DNAAF9: variants seen among roughly 807,000 people sequenced by gnomAD.
The protein encoded by DNAAF9 is dynein axonemal assembly factor 9.
Under a neutral mutation model 167.0 loss-of-function variants are expected in DNAAF9, and 90 were observed. The observed-to-expected ratio is 0.54, with a 90% CI of 0.45 to 0.64. The LOEUF (loss-of-function observed/expected upper bound fraction) is 0.64, where lower values mean the gene tolerates loss of function less well. Ranked by LOEUF, DNAAF9 falls within the 30% of genes least tolerant of loss-of-function variation. The pLI is 0.00. For missense variants in DNAAF9, 1,315 were observed against 1,442.2 expected, an observed-to-expected ratio of 0.91 and a Z score of 1.43; for synonymous variants, 491 against 508.8, an observed-to-expected ratio of 0.96 and a Z score of 0.47.
At chr20:3,296,051 C>A in intron 23 of DNAAF9, 18 of 864,950 alleles carry the variant, frequency 2.1e-5, no homozygotes, top group South Asian at 2.0e-4. Flanking sequence ...CTGGTAGTAA[C>A]CCTCATCTGG....
intron 7 of DNAAF9, among the ~76,000 whole-genome samples, chr20:3,350,152 CACAG>C (rs56044233): frequency 0.16 from 17,134 of 109,586 alleles, 1,044 homozygotes; most frequent in African/African-American, 0.18. Flanking sequence ...CACACAGACA[CACAG>C]ACACACACAC....
chr20:3,300,926 A>C, intron 21 of DNAAF9, among the ~76,000 whole-genome samples: 1 of 151,620 alleles, frequency 6.6e-6, no homozygotes, highest in Non-Finnish European at 1.5e-5. Context: ...AAAAATTATA[A>C]AAATACAACA....
At chr20:3,387,884 TAAAAAAA>T (rs557861791) in intron 1 of DNAAF9, among the ~76,000 whole-genome samples, 20 of 87,368 alleles carry the variant, frequency 2.3e-4, no homozygotes, top group East Asian at 1.3e-3. Flanking sequence ...CTACAAAAAG[TAAAAAAA>T]AAAAAAAAAA....
At chr20:3,399,113 G>A (rs1296773951) in intron 1 of DNAAF9, among the ~76,000 whole-genome samples, 1 of 152,202 alleles carries the variant, frequency 6.6e-6, no homozygotes, top group African/African-American at 2.4e-5. Flanking sequence ...TAGCTCACCA[G>A]AGCCATTAGT....
At position 3,363,228 on chromosome 20, in the gene DNAAF9, C is replaced by CAA. The variant is rs550155552; in HGVS notation, c.613-3637_613-3636dup. ...TGGGTGACAGAGTGAGACTCCGTCT[C>CAA]AAAAAAAAAAAAAAAGGAAATGATT... On this transcript the variant is annotated intron_variant, in intron 6 of 36. Coordinates refer to ENST00000252032, the MANE Select transcript of DNAAF9 (RefSeq NM_001009984.3). Among the ~76,000 whole-genome samples, 725 of 105,136 alleles carry CAA rather than the reference C, an allele frequency of 6.9e-3. 6 individuals are homozygous for CAA. Among genetic ancestry groups the CAA allele is most frequent in the Middle Eastern group, 0.013 (2 of 154 alleles). 69.0% of individuals were successfully genotyped at this position (105,136 alleles called of 152,430 possible).
chr20:3,270,961 C>T (rs1568569693), intron 29 of DNAAF9, among the ~76,000 whole-genome samples: 2 of 151,920 alleles, frequency 1.3e-5, no homozygotes, highest in African/African-American at 2.4e-5. Context: ...TACAGGAACC[C>T]GCAACCATGC....
At chr20:3,362,138 G>C (rs1169398339) in intron 6 of DNAAF9, 2 of 1,393,244 alleles carry the variant, frequency 1.4e-6, no homozygotes, top group Non-Finnish European at 2.0e-6. Context: ...CTGTATATTC[G>C]GTTTTCATAA....
At chr20:3,400,122 C>T (rs1486790706) in intron 1 of DNAAF9, among the ~76,000 whole-genome samples, 1 of 152,218 alleles carries the variant, frequency 6.6e-6, no homozygotes, top group Admixed American at 6.5e-5. Context: ...TTCTCTCTGG[C>T]ATTCTCTGAA....
intron 15 of DNAAF9, 139 bp downstream of exon 15, chr20:3,322,513 G>A: frequency 2.5e-6 from 2 of 798,742 alleles, no homozygotes; most frequent in South Asian, 2.9e-5. Context: ...GCTGAGCACA[G>A]CCAGCCCAAG....
At chr20:3,357,381 GA>G (rs2083299921) in intron 7 of DNAAF9, among the ~76,000 whole-genome samples, 1 of 152,216 alleles carries the variant, frequency 6.6e-6, no homozygotes, top group African/African-American at 2.4e-5. Flanking sequence ...GGAGGCAGGA[GA>G]ATCACTTGAA....
At chr20:3,351,984 C>T (rs2070334642) in intron 7 of DNAAF9, among the ~76,000 whole-genome samples, 1 of 152,038 alleles carries the variant, frequency 6.6e-6, no homozygotes, top group Admixed American at 6.5e-5. Flanking sequence ...GTCTCAAACT[C>T]CTGACCTCAA....
intron 8 of DNAAF9, among the ~76,000 whole-genome samples, chr20:3,347,275 T>A (rs956991642): frequency 6.6e-6 from 1 of 152,124 alleles, no homozygotes; most frequent in Admixed American, 6.5e-5. Context: ...AAATTGTCAA[T>A]CTAGAATCTA....
chr20:3,407,294 G>A (rs1600945979), intron 1 of DNAAF9, among the ~76,000 whole-genome samples, 181 bp downstream of exon 1: 1 of 152,206 alleles, frequency 6.6e-6, no homozygotes, highest in Non-Finnish European at 1.5e-5. Flanking sequence ...CCAAAGGGGA[G>A]CCATTGTGGG....
intron 27 of DNAAF9, among the ~76,000 whole-genome samples, chr20:3,284,707 T>C (rs2122877368): frequency 6.6e-6 from 1 of 152,342 alleles, no homozygotes; most frequent in Non-Finnish European, 1.5e-5. Flanking sequence ...ACAATCTGAG[T>C]GTGCACAAGT....
chr20:3,368,141 G>A (rs2083453990), intron 6 of DNAAF9, among the ~76,000 whole-genome samples: 1 of 152,046 alleles, frequency 6.6e-6, no homozygotes, highest in Admixed American at 6.6e-5. Context: ...GTACCGACTG[G>A]GGCAAGGGGA....
chr20:3,312,490 G>A (rs1394695541), intron 20 of DNAAF9, among the ~76,000 whole-genome samples: 1 of 151,952 alleles, frequency 6.6e-6, no homozygotes, highest in African/African-American at 2.4e-5. Context: ...ACCTTCTATG[G>A]GACTCAGGAT....
chr20:3,340,037 T>G (rs1235961242), intron 10 of DNAAF9, among the ~76,000 whole-genome samples: 1 of 152,242 alleles, frequency 6.6e-6, no homozygotes, highest in Non-Finnish European at 1.5e-5. Flanking sequence ...ATGTTTTCTT[T>G]AAAAGAATGT....
chr20:3,267,072 G>A (rs896751585), intron 30 of DNAAF9, among the ~76,000 whole-genome samples: 9 of 151,234 alleles, frequency 6.0e-5, no homozygotes, highest in African/African-American at 2.2e-4. Flanking sequence ...GGCTGATTTC[G>A]AACTCCCGAC....
intron 1 of DNAAF9, among the ~76,000 whole-genome samples, chr20:3,393,271 G>A (rs1358455034): frequency 3.9e-5 from 6 of 152,098 alleles, no homozygotes; most frequent in African/African-American, 1.4e-4. Flanking sequence ...TCCGCCTCCT[G>A]GGTTCAAGTG....
Sources: allele counts gnomAD v4.1 joint callset (sites outside exome capture counted in the v4.1 genomes callset), GRCh38; gene constraint gnomAD v4.1.1; transcripts MANE v1.5; gene names NCBI Gene and HGNC (gene_info 2026-07-23, HGNC 2026-07-21).